The following ALS2CL variants were observed in gnomAD, a reference collection of about 807,000 sequenced individuals.
ALS2CL encodes the protein ALS2 C-terminal-like protein.
Under a neutral mutation model 127.9 loss-of-function variants are expected in ALS2CL, and 112 were observed. That is an observed-to-expected ratio of 0.88 (90% CI 0.75 to 1.02). The LOEUF (loss-of-function observed/expected upper bound fraction) is 1.02. Among genes scored for constraint, ALS2CL ranks in the 50% least tolerant of loss-of-function variants. The pLI is 0.00. For missense variants in ALS2CL, 1,174 were observed against 1,236.7 expected, an observed-to-expected ratio of 0.95 and a Z score of 0.76; for synonymous variants, 519 against 527.6, an observed-to-expected ratio of 0.98 and a Z score of 0.22.
rs1698304290 is a variant in ALS2CL, at chr3:46,670,497, C to T, written c.*487G>A. The T allele has an allele frequency of 1.3e-5, 2 of 154,090 alleles. No homozygotes were observed. Among genetic ancestry groups the T allele is most frequent in the Admixed American group, 1.3e-4 (2 of 15,800 alleles). The allele number at this position is 154,090 out of a possible 1,614,324, so 9.5% of individuals were successfully genotyped here. On this transcript the variant is annotated 3_prime_UTR_variant, in exon 26 of 26. Transcript: ENST00000318962. This position sits in a 1 kb window ranked among gnomAD's most constrained non-coding sequence, Gnocchi z 5.5. ...GCAGTTCACGGATCTCCAGGCCCAT[C>T]CTGTTGACTGCATACCCAGTGAGGC...
intron 22 of ALS2CL, 103 bp from the exon 23 acceptor site, chr3:46,672,304 A>T: frequency 7.1e-7 from 1 of 1,415,228 alleles, no homozygotes; most frequent in South Asian, 1.3e-5. Flanking sequence ...CCTTCCCTTC[A>T]CTGCCAGCTT....
At chr3:46,677,556 C>G in intron 16 of ALS2CL, 1 of 231,424 alleles carries the variant, frequency 4.3e-6, no homozygotes, top group Non-Finnish European at 7.3e-6. Flanking sequence ...CTGTCCACTC[C>G]CAGCTCCTGC....
intron 1 of ALS2CL, among the ~76,000 whole-genome samples, chr3:46,689,726 G>C (rs1316925973): frequency 1.3e-5 from 2 of 152,234 alleles, no homozygotes; most frequent in Non-Finnish European, 2.9e-5. Flanking sequence ...TCCCCAAAGG[G>C]TAGATGTTCT....
In ALS2CL at chr3:46,676,328, T is replaced by C. The variant is rs1285983196; in HGVS notation, c.2103A>G (p.Ala701=). Residue 701 remains alanine (A), a synonymous_variant, in exon 19 of 26, where the codon GCA becomes GCG. Coordinates refer to ENST00000318962, the MANE Select transcript of ALS2CL (RefSeq NM_147129.5). ...TLMLTFQATY[A]GVGANKHLQE... ...GCAGGTGCTTGTTGGCCCCGACACC[T>C]GCGTAGGTAGCCTGGAAGGTCAGCA... is the stretch of plus-strand genomic sequence containing the variant. The C allele has an allele frequency of 1.9e-6, 3 of 1,613,776 alleles. No homozygotes were observed. Among genetic ancestry groups the C allele is most frequent in the South Asian group, 2.2e-5 (2 of 91,064 alleles).
chr3:46,672,239 C>A, intron 22 of ALS2CL, 38 bp from the exon 23 acceptor site: 3 of 1,609,136 alleles, frequency 1.9e-6, no homozygotes, highest in African/African-American at 2.7e-5. Flanking sequence ...GAGGCCATGG[C>A]CCCCCAGCTC....
rs1294363494 is a variant in ALS2CL, at chr3:46,686,980, C to T, written c.534+3G>A. 6.3e-7 allele frequency: 1 copy of T among 1,586,028 alleles called. No individual in the cohort carries two copies. Among genetic ancestry groups the T allele is most frequent in the Non-Finnish European group, 8.5e-7 (1 of 1,170,276 alleles). The stretch of plus-strand genomic sequence containing the variant: ...CCCACATGCTGCTGCCCCTGGTACC[C>T]ACCTCCCCAATGGTGTCCCCGAGGC... On this transcript the variant is annotated splice_donor_region_variant and intron_variant, in intron 5 of 25. Transcript: ENST00000318962. This position sits in a 1 kb window ranked among gnomAD's most constrained non-coding sequence, Gnocchi z 4.3.
rs762289124 is a variant in ALS2CL, at chr3:46,671,055, C to G, written c.2791G>C (p.Glu931Gln). The change falls in exon 26 of 26, where the codon GAG becomes CAG. Residue 931 changes from glutamate (E) to glutamine (Q), a missense_variant. Physicochemically the swap from Glu to Gln is conservative, Grantham distance 29 (BLOSUM62 2). Coordinates refer to ENST00000318962, the MANE Select transcript of ALS2CL (RefSeq NM_147129.5). ...FLLTALESCY[E>Q]HIQKEDMRLH... Reference sequence around the variant, plus strand: ...CTCATGTCTTCTTTCTGGATGTGCTCGTAACAGGACTGGAGGGAGAGAGGC... The same window carrying G: ...CTCATGTCTTCTTTCTGGATGTGCTGGTAACAGGACTGGAGGGAGAGAGGC... 2.5e-6 allele frequency: 4 copies of G among 1,614,098 alleles called. No homozygotes were observed. In the East Asian group the frequency reaches 8.9e-5, roughly 36 times the overall value.
intron 1 of ALS2CL, among the ~76,000 whole-genome samples, chr3:46,692,606 C>T (rs1033583295): frequency 6.6e-6 from 1 of 152,222 alleles, no homozygotes; most frequent in African/African-American, 2.4e-5. Context: ...GGGTGGGCAA[C>T]TCACCTGAGG....
chr3:46,675,970 G>A (rs967426655), intron 19 of ALS2CL: 4 of 1,422,616 alleles, frequency 2.8e-6, no homozygotes, highest in Non-Finnish European at 3.7e-6. Flanking sequence ...CCAGGGCCAA[G>A]CTCAGCCTAC....
intron 4 of ALS2CL, 145 bp from the exon 5 acceptor site, chr3:46,687,293 A>T (rs1166494173): frequency 2.2e-6 from 2 of 916,814 alleles, no homozygotes; most frequent in East Asian, 5.5e-5. Context: ...TCAACACAGT[A>T]CCTGAGTTGC....
Position 46,669,899 on chromosome 3 carries a change from T to C in ALS2CL, c.*1085A>G, listed in dbSNP as rs912576949. The C allele has an allele frequency of 1.3e-5, 2 of 152,194 alleles. No homozygotes were observed. Among genetic ancestry groups the C allele is most frequent in the Non-Finnish European group, 1.5e-5 (1 of 68,074 alleles). The allele number at this position is 152,194 out of a possible 1,614,324, so 9.4% of individuals were successfully genotyped here. A position where few individuals can be genotyped will look rare whatever the true frequency, so the allele number is the denominator to read the frequency against. On this transcript the variant is annotated 3_prime_UTR_variant, in exon 26 of 26. Coordinates refer to ENST00000318962, the MANE Select transcript of ALS2CL (RefSeq NM_147129.5). ...TCACAGGCTGAAGTCAGTACTTCGT[T>C]TGGGGGAGCCACACCCAGAGCCAGG...
intron 15 of ALS2CL, among the ~76,000 whole-genome samples, chr3:46,678,903 A>G (rs1699096272): frequency 6.6e-6 from 1 of 152,202 alleles, no homozygotes; most frequent in African/African-American, 2.4e-5. Context: ...GCCTCCAGGG[A>G]CAGCTGCTCG....
chr3:46,692,861 C>T (rs1216357813), intron 1 of ALS2CL, among the ~76,000 whole-genome samples: 1 of 152,214 alleles, frequency 6.6e-6, no homozygotes, highest in Non-Finnish European at 1.5e-5. Context: ...CCTTCCCTGT[C>T]CTCTCCCAGG....
At position 46,680,491 on chromosome 3, in the gene ALS2CL, C is replaced by T. The variant is rs1699228816; in HGVS notation, c.1487G>A (p.Gly496Glu). The T allele has an allele frequency of 6.2e-7, 1 of 1,613,416 alleles. No homozygotes were observed. The highest frequency in any genetic ancestry group is 2.2e-5 in the East Asian group (1 of 44,882). ...MWQAGQRHGP[G>E]VMVTQAGVCY... ...GACACCTGCCTGGGTGACCATGACCCCTGGGCCGTGGCGCTGACCAGCCTG... is the reference window on the plus strand; with the variant it reads ...GACACCTGCCTGGGTGACCATGACCTCTGGGCCGTGGCGCTGACCAGCCTG... The change falls in exon 14 of 26, where the codon GGG becomes GAG. Residue 496 changes from glycine to glutamate, a missense_variant. By Grantham distance (98) the Gly-to-Glu change is moderately conservative. Transcript: ENST00000318962.
At position 46,670,922 on chromosome 3, in the gene ALS2CL, G is replaced by T; in HGVS notation, c.*62C>A. ...GGGCCTGTCCTGCCCCTTGCCTTGG[G>T]TAATGAGGGACAGGCTGGCAGTGCC... On this transcript the variant is annotated 3_prime_UTR_variant, in exon 26 of 26. Transcript: ENST00000318962. This position sits in a 1 kb window ranked among gnomAD's most constrained non-coding sequence, Gnocchi z 5.5. 6.5e-7 allele frequency: 1 copy of T among 1,526,828 alleles called. No individual in the cohort carries two copies. 94.6% of individuals were successfully genotyped at this position (1,526,828 alleles called of 1,614,324 possible).
chr3:46,677,472 C>T, intron 16 of ALS2CL: 1 of 875,360 alleles, frequency 1.1e-6, no homozygotes, highest in African/African-American at 1.8e-5. Flanking sequence ...TGGAGCCCTG[C>T]ACTCCAGTGT....
At chr3:46,678,467 G>C (rs1699055403) in intron 15 of ALS2CL, 78 bp from the exon 16 acceptor site, 1 of 1,518,598 alleles carries the variant, frequency 6.6e-7, no homozygotes, top group African/African-American at 1.4e-5. Flanking sequence ...CCACAAGCCT[G>C]TCCATCAGTG....
At chr3:46,688,844 T>C (rs142176596) in intron 2 of ALS2CL, among the ~76,000 whole-genome samples, 60 of 152,370 alleles carry the variant, frequency 3.9e-4, no homozygotes, top group South Asian at 6.2e-4. Context: ...TCCAGTTTTT[T>C]ACCCTGGGAA....
intron 22 of ALS2CL, among the ~76,000 whole-genome samples, chr3:46,672,440 A>G (rs887502221): frequency 6.6e-6 from 1 of 152,262 alleles, no homozygotes; most frequent in Non-Finnish European, 1.5e-5. Context: ...CCAAACGGAT[A>G]AGAAGATAAT....
Sources: gnomAD v4.1 joint callset for allele counts (sites outside exome capture counted in the v4.1 genomes callset) on GRCh38, gnomAD v4.1.1 for gene constraint, Gnocchi (gnomAD v3.1) non-coding constraint, MANE v1.5 for transcripts, NCBI Gene and HGNC (gene_info 2026-07-23, HGNC 2026-07-21) for gene names.